GNAL: variants seen among roughly 807,000 people sequenced by gnomAD.
GNAL encodes G protein subunit alpha L.
GNAL carries 18 observed loss-of-function variants against 55.1 expected under a neutral mutation model. The observed-to-expected ratio is 0.33, with a 90% CI of 0.23 to 0.48. The LOEUF (loss-of-function observed/expected upper bound fraction) is 0.48. Ranked by LOEUF, GNAL falls within the 20% of genes least tolerant of loss-of-function variation. The probability of loss-of-function intolerance (pLI) is 0.99; values close to 1 mark genes in which losing one functional copy is unlikely to be tolerated. For synonymous variants in GNAL, 253 were observed against 237.0 expected, an observed-to-expected ratio of 1.07 and a Z score of -0.62; for missense variants, 412 against 614.1, an observed-to-expected ratio of 0.67 and a Z score of 3.48.
chr18:11,867,104 C>A, intron 7 of GNAL, 64 bp from the exon 8 acceptor site: 1 of 1,256,970 alleles, frequency 8.0e-7, no homozygotes, highest in Non-Finnish European at 1.2e-6. Flanking sequence ...AAGAGGAAAG[C>A]AAGCACGTTT....
chr18:11,825,761 CTTG>C (rs2035227208), intron 5 of GNAL, among the ~76,000 whole-genome samples: 8 of 141,428 alleles, frequency 5.7e-5, no homozygotes, highest in South Asian at 2.2e-4. Flanking sequence ...GAAAAGGACA[CTTG>C]GTGCCAGGGC....
Position 11,881,267 on chromosome 18 carries a change from C to T in GNAL, c.*132C>T. ...TCCCGTTCTGTGTCGACCACCAAGC[C>T]TCTGGCTACCTCTGTCCCCTCAGGT... On this transcript the variant is annotated 3_prime_UTR_variant, in exon 12 of 12. Transcript: ENST00000334049. The surrounding 1 kb of genome is among the most constrained non-coding windows in gnomAD (Gnocchi z 4.8). 3 of 822,200 alleles carry T rather than the reference C, an allele frequency of 3.6e-6. No individual in the cohort carries two copies. Among genetic ancestry groups the T allele is most frequent in the Non-Finnish European group, 3.7e-6 (2 of 539,414 alleles). The allele number at this position is 822,200 out of a possible 1,614,324, so 50.9% of individuals were successfully genotyped here.
intron 4 of GNAL, among the ~76,000 whole-genome samples, chr18:11,795,673 C>T (rs564706825): frequency 4.6e-5 from 7 of 152,284 alleles, no homozygotes; most frequent in African/African-American, 1.7e-4. Context: ...GAGCATGATT[C>T]TGTGTGAGGC....
At chr18:11,729,936 G>A (rs893885452) in intron 1 of GNAL, among the ~76,000 whole-genome samples, 2 of 152,176 alleles carry the variant, frequency 1.3e-5, no homozygotes, top group African/African-American at 2.4e-5. Flanking sequence ...CCAAAAAGGC[G>A]AGACATCTGG....
intron 4 of GNAL, among the ~76,000 whole-genome samples, chr18:11,813,180 G>A (rs1156832618): frequency 2.0e-5 from 3 of 151,204 alleles, no homozygotes; most frequent in African/African-American, 4.9e-5. Flanking sequence ...GGTGGAACCC[G>A]GGAGGTGGAG....
intron 1 of GNAL, among the ~76,000 whole-genome samples, chr18:11,727,589 C>T (rs960337485): frequency 1.3e-5 from 2 of 152,178 alleles, no homozygotes; most frequent in African/African-American, 2.4e-5. Flanking sequence ...GGCAGAATGT[C>T]GGATGTGGAG....
intron 4 of GNAL, among the ~76,000 whole-genome samples, chr18:11,783,323 A>G (rs572274650): frequency 2.0e-5 from 3 of 152,354 alleles, no homozygotes; most frequent in South Asian, 4.1e-4. Context: ...TGGGCATGAT[A>G]ATGGTACTTA....
chr18:11,779,351 A>AT (rs1475353720), intron 4 of GNAL, among the ~76,000 whole-genome samples: 31 of 152,208 alleles, frequency 2.0e-4, no homozygotes, highest in African/African-American at 7.5e-4. Flanking sequence ...CTAACTGCAC[A>AT]TTACATATAT....
chr18:11,746,441 C>A (rs2032689223), intron 1 of GNAL: 1 of 247,048 alleles, frequency 4.0e-6, no homozygotes, highest in Non-Finnish European at 8.0e-6. Context: ...AAGACCCCAT[C>A]TCTACAGAAA....
rs150121900 is a variant in GNAL, at chr18:11,819,297, A to G, written c.625-5621A>G. 4.9e-3 allele frequency among the ~76,000 whole-genome samples: 749 copies of G among 152,308 alleles called. 3 individuals carry two copies. The highest frequency in any genetic ancestry group is 0.014 in the Middle Eastern group (4 of 290). On this transcript the variant is annotated intron_variant, in intron 4 of 11. Transcript: ENST00000334049. ...AGAATTTCATGTTATCTTTGAGTAT[A>G]CTTTCAATATAAAGGTAGTCGTAGA...
intron 5 of GNAL, among the ~76,000 whole-genome samples, chr18:11,844,281 A>C (rs1326760064): frequency 6.6e-6 from 1 of 152,050 alleles, no homozygotes; most frequent in Non-Finnish European, 1.5e-5. Flanking sequence ...TAAAAATGCA[A>C]AAATTAGCTG....
chr18:11,813,808 G>A (rs1045920436), intron 4 of GNAL, among the ~76,000 whole-genome samples: 2 of 152,162 alleles, frequency 1.3e-5, no homozygotes, highest in African/African-American at 4.8e-5. Flanking sequence ...AGCCCAGGAG[G>A]TCGAGGCTGC....
chr18:11,837,005 G>A (rs1446041173), intron 5 of GNAL, among the ~76,000 whole-genome samples: 2 of 152,210 alleles, frequency 1.3e-5, no homozygotes, highest in African/African-American at 2.4e-5. Context: ...CCAGGCTGGA[G>A]TGCAGTGGCA....
chr18:11,831,818 G>A (rs1411769442), intron 5 of GNAL, among the ~76,000 whole-genome samples: 1 of 152,232 alleles, frequency 6.6e-6, no homozygotes, highest in Non-Finnish European at 1.5e-5. Flanking sequence ...GACCCAGTCG[G>A]TGGCCATTTG....
intron 4 of GNAL, among the ~76,000 whole-genome samples, chr18:11,782,480 T>C (rs1376158691): frequency 6.6e-6 from 1 of 152,184 alleles, no homozygotes; most frequent in Non-Finnish European, 1.5e-5. Flanking sequence ...AAGTACTATA[T>C]TGTTTAAGCA....
rs575230876 is a variant in GNAL at position 11,699,562 on chromosome 18, G to T, written c.376+9623G>T. Among the ~76,000 whole-genome samples, 530 of 151,558 alleles carry T rather than the reference G, an allele frequency of 3.5e-3. 4 individuals are homozygous for T. Among genetic ancestry groups the T allele is most frequent in the African/African-American group, 0.012 (513 of 41,322 alleles). The stretch of plus-strand genomic sequence containing the variant: ...AGTTGTTGGGTTTTTTTTTTGAGGG[G>T]GGGGGTTGGCTTTAAGCTGAAACCA... On this transcript the variant is annotated intron_variant, in intron 1 of 11. Transcript: ENST00000334049.
At chr18:11,749,396 T>C (rs2032763808) in intron 1 of GNAL, among the ~76,000 whole-genome samples, 1 of 152,226 alleles carries the variant, frequency 6.6e-6, no homozygotes, top group Non-Finnish European at 1.5e-5. Flanking sequence ...AGTAAGAATA[T>C]TTATTGAAAA....
At position 11,701,097 on chromosome 18, in the gene GNAL, C is replaced by T. The variant is rs192241842; in HGVS notation, c.376+11158C>T. ...TGTTGTTGAAGAGAAAGGACAAGAA[C>T]CTAAGAGAAAAATACCAGTCCGAGC... On this transcript the variant is annotated intron_variant, in intron 1 of 11. Coordinates refer to ENST00000334049, the MANE Select transcript of GNAL (RefSeq NM_182978.4). Among the ~76,000 whole-genome samples, 245 of 152,270 alleles carry T rather than the reference C, an allele frequency of 1.6e-3. 1 individual carries two copies. Among genetic ancestry groups the T allele is most frequent in the African/African-American group, 5.7e-3 (237 of 41,552 alleles).
intron 1 of GNAL, among the ~76,000 whole-genome samples, chr18:11,711,737 G>A (rs943355890): frequency 1.3e-5 from 2 of 152,122 alleles, no homozygotes; most frequent in Non-Finnish European, 2.9e-5. Flanking sequence ...TAGGTTACTG[G>A]TGATTTGTTT....
Sources: gnomAD v4.1 joint callset for allele counts (sites outside exome capture counted in the v4.1 genomes callset) on GRCh38, gnomAD v4.1.1 for gene constraint, Gnocchi (gnomAD v3.1) non-coding constraint, MANE v1.5 for transcripts, NCBI Gene and HGNC (gene_info 2026-07-23, HGNC 2026-07-21) for gene names.